Variants in GSE1 observed in about 807,000 individuals in gnomAD.
The protein encoded by GSE1 is genetic suppressor element 1.
In GSE1, 32 loss-of-function variants were observed where a neutral mutation model predicts 112.6. That is an observed-to-expected ratio of 0.28 (90% CI 0.21 to 0.38). The LOEUF is 0.38. GSE1 is among the 10% of genes least tolerant of loss of function. The pLI is 1.00. For missense variants in GSE1, 2,348 were observed against 1,699.2 expected (o/e 1.38, Z -6.71); for synonymous variants, 1,115 against 735.6 (o/e 1.52, Z -8.35).
At chr16:85,251,514 C>G (rs958085771) in intron 1 of GSE1, among the ~76,000 whole-genome samples, 1 of 152,230 alleles carries the variant, frequency 6.6e-6, no homozygotes, top group Non-Finnish European at 1.5e-5. Flanking sequence ...GCGGCCAGGC[C>G]GGGGCTCGAA....
At chr16:85,562,744 G>T (rs563585499) in intron 1 of GSE1, among the ~76,000 whole-genome samples, 133 of 152,312 alleles carry the variant, frequency 8.7e-4, no homozygotes, top group African/African-American at 3.0e-3. Context: ...GTCCCAGGGG[G>T]GTTCCCTCTC....
intron 1 of GSE1, among the ~76,000 whole-genome samples, chr16:85,237,127 C>A (rs999093279): frequency 6.6e-6 from 1 of 152,034 alleles, no homozygotes; most frequent in African/African-American, 2.4e-5. Context: ...AGTTTGAGAC[C>A]AGCCTGGCCA....
intron 1 of GSE1, among the ~76,000 whole-genome samples, chr16:85,185,557 T>C (rs994058935): frequency 6.6e-6 from 1 of 152,266 alleles, no homozygotes; most frequent in African/African-American, 2.4e-5. Context: ...CACTAAGCTC[T>C]AGCTCTGGAG....
At chr16:85,342,794 G>A (rs1445673186) in intron 1 of GSE1, among the ~76,000 whole-genome samples, 3 of 151,958 alleles carry the variant, frequency 2.0e-5, no homozygotes, top group Non-Finnish European at 4.4e-5. Flanking sequence ...AGGGTGAAGG[G>A]AGCACTGTGC....
intron 2 of GSE1, among the ~76,000 whole-genome samples, chr16:85,375,725 G>A (rs934469088): frequency 4.9e-5 from 4 of 81,736 alleles, no homozygotes; most frequent in East Asian, 3.6e-4. Context: ...ACAGGCGAGG[G>A]AACCACACAG....
chr16:85,440,547 G>T (rs960679345), intron 2 of GSE1, among the ~76,000 whole-genome samples: 1 of 152,340 alleles, frequency 6.6e-6, no homozygotes, highest in East Asian at 1.9e-4. Context: ...CTCGGCTGCT[G>T]ATCTTCAGCC....
intron 2 of GSE1, among the ~76,000 whole-genome samples, chr16:85,476,278 G>C (rs2050453075): frequency 6.6e-6 from 1 of 152,188 alleles, no homozygotes; most frequent in Non-Finnish European, 1.5e-5. Context: ...GGCTCCCGGA[G>C]ACCTGGGATG....
chr16:85,202,832 G>A (rs561075583), intron 1 of GSE1, among the ~76,000 whole-genome samples: 119 of 152,318 alleles, frequency 7.8e-4, no homozygotes, highest in Non-Finnish European at 1.4e-3. Flanking sequence ...AAGGGGGAGC[G>A]GAGGCTGGGG....
intron 1 of GSE1, among the ~76,000 whole-genome samples, chr16:85,329,674 C>T (rs570905052): frequency 3.7e-4 from 56 of 151,758 alleles, no homozygotes; most frequent in African/African-American, 1.1e-3. Context: ...GGGATTAGGC[C>T]GGAGCCAGCC....
upstream of GSE1, among the ~76,000 whole-genome samples, chr16:85,551,878 A>G (rs2044931603): frequency 6.6e-6 from 1 of 152,228 alleles, no homozygotes; most frequent in Admixed American, 6.5e-5. Flanking sequence ...ACCTTTGACT[A>G]GGAAGCAAAG....
At chr16:85,450,943 G>A (rs1282336016) in intron 2 of GSE1, among the ~76,000 whole-genome samples, 2 of 151,990 alleles carry the variant, frequency 1.3e-5, no homozygotes, top group Non-Finnish European at 2.9e-5. Context: ...GCATGGTGGT[G>A]TGTGCCTATA....
In GSE1 at chr16:85,625,059, C is replaced by T. The variant is rs181349714; in HGVS notation, c.8-8855C>T. On this transcript the variant is annotated intron_variant, in intron 1 of 15. Transcript: ENST00000253458. Reference sequence around the variant, plus strand: ...GGTGCTGGGCACCATCTCCCAGAGTCACAGCTCTGGACACCGACCCCAGCC... The same window carrying T: ...GGTGCTGGGCACCATCTCCCAGAGTTACAGCTCTGGACACCGACCCCAGCC... Among the ~76,000 whole-genome samples, 753 of 152,312 alleles carry T rather than the reference C, an allele frequency of 4.9e-3. 8 individuals are homozygous for T. The highest frequency in any genetic ancestry group is 0.017 in the African/African-American group (708 of 41,552).
chr16:85,529,163 G>A (rs2052465921), intron 2 of GSE1, among the ~76,000 whole-genome samples: 1 of 152,152 alleles, frequency 6.6e-6, no homozygotes, highest in South Asian at 2.1e-4. Context: ...GGATGTGCAG[G>A]TGGTTAATCG....
At chr16:85,221,469 A>G (rs2075392191) in intron 1 of GSE1, among the ~76,000 whole-genome samples, 1 of 152,094 alleles carries the variant, frequency 6.6e-6, no homozygotes, top group African/African-American at 2.4e-5. Context: ...ACACAGACGC[A>G]CACAGACACA....
chr16:85,666,602 C>T (rs75385433), intron 13 of GSE1: 390 of 527,000 alleles, frequency 7.4e-4, no homozygotes, highest in African/African-American at 6.3e-3. Context: ...AGGGACGCAT[C>T]GATCGGTAAG....
chr16:85,417,524 C>T (rs920003419), intron 2 of GSE1, among the ~76,000 whole-genome samples: 2 of 152,256 alleles, frequency 1.3e-5, no homozygotes, highest in Admixed American at 1.3e-4. Flanking sequence ...GGTGTGTGTG[C>T]AGCATAGCGG....
intron 1 of GSE1, among the ~76,000 whole-genome samples, chr16:85,183,710 C>T (rs1016617286): frequency 2.0e-5 from 3 of 152,232 alleles, no homozygotes; most frequent in South Asian, 2.1e-4. Context: ...GGCTCACCTA[C>T]GTGGATGCCC....
intron 1 of GSE1, among the ~76,000 whole-genome samples, chr16:85,303,864 C>T (rs1261714068): frequency 6.6e-6 from 1 of 152,246 alleles, no homozygotes; most frequent in African/African-American, 2.4e-5. Flanking sequence ...TGGGAATCGC[C>T]TGGCAGTGCC....
At chr16:85,194,880 A>T (rs878878510) in intron 1 of GSE1, among the ~76,000 whole-genome samples, 3 of 152,134 alleles carry the variant, frequency 2.0e-5, no homozygotes, top group African/African-American at 7.2e-5. Context: ...TTTTTTTTTA[A>T]GAAGAGGCTA....
Sources: gnomAD v4.1 joint callset for allele counts (sites outside exome capture counted in the v4.1 genomes callset) on GRCh38, gnomAD v4.1.1 for gene constraint, MANE v1.5 for transcripts, NCBI Gene and HGNC (gene_info 2026-07-23, HGNC 2026-07-21) for gene names.